The following NAALADL2 variants were observed in gnomAD, a reference collection of about 807,000 sequenced individuals.
The protein encoded by NAALADL2 is inactive N-acetylated-alpha-linked acidic dipeptidase-like protein 2.
Under a neutral mutation model 87.2 loss-of-function variants are expected in NAALADL2, and 76 were observed. That is an observed-to-expected ratio of 0.87 (90% CI 0.72 to 1.05). NAALADL2 has a LOEUF of 1.05. Ranked by LOEUF, NAALADL2 falls within the 50% of genes least tolerant of loss-of-function variation. NAALADL2 has a pLI of 0.00. For missense variants in NAALADL2, 1,089 were observed against 945.8 expected (o/e 1.15, Z -1.99); for synonymous variants, 354 against 331.0 (o/e 1.07, Z -0.75).
At chr3:174,531,288 G>A (rs200600616) in intron 1 of NAALADL2, among the ~76,000 whole-genome samples, 1 of 147,632 alleles carries the variant, frequency 6.8e-6, no homozygotes, top group Non-Finnish European at 1.5e-5. Context: ...TTATTCTTTT[G>A]GTTCTGTCTT....
chr3:175,392,272 AC>A (rs568082518), intron 5 of NAALADL2, among the ~76,000 whole-genome samples: 293 of 152,340 alleles, frequency 1.9e-3, no homozygotes, highest in African/African-American at 6.8e-3. Flanking sequence ...TGTAATGAAC[AC>A]TACTTAGAAA....
chr3:174,889,376 TAAAGAC>T (rs1252893425), intron 1 of NAALADL2, among the ~76,000 whole-genome samples: 5 of 152,154 alleles, frequency 3.3e-5, no homozygotes, highest in Admixed American at 2.0e-4. Context: ...GGGTTTTAAA[TAAAGAC>T]AAACAAAAGG....
chr3:175,778,542 G>A (rs77583592), intron 13 of NAALADL2, among the ~76,000 whole-genome samples: 2 of 152,174 alleles, frequency 1.3e-5, no homozygotes, highest in South Asian at 2.1e-4. Context: ...GAATTATGGG[G>A]CTGTGGGATT....
chr3:175,595,490 C>G (rs916604251), intron 10 of NAALADL2, among the ~76,000 whole-genome samples: 3 of 152,032 alleles, frequency 2.0e-5, no homozygotes, highest in Non-Finnish European at 4.4e-5. Context: ...ACCCTAAATA[C>G]TCCACCGAAA....
chr3:174,595,765 C>T (rs1229985029), intron 2 of NAALADL2, among the ~76,000 whole-genome samples: 13 of 152,042 alleles, frequency 8.6e-5, no homozygotes, highest in Admixed American at 8.5e-4. Context: ...AATCCCAGCA[C>T]TTTGGGAGGC....
rs1453616050 is a variant in NAALADL2 at position 175,805,083 on chromosome 3, A to T, written c.*1880A>T. The T allele has an allele frequency of 1.3e-5, 2 of 151,856 alleles. No individual in the cohort carries two copies. Among genetic ancestry groups the T allele is most frequent in the Non-Finnish European group, 2.9e-5 (2 of 67,902 alleles). The allele number at this position is 151,856 out of a possible 1,614,324, so 9.4% of individuals were successfully genotyped here. A position where few individuals can be genotyped will look rare whatever the true frequency, so the allele number is the denominator to read the frequency against. On this transcript the variant is annotated 3_prime_UTR_variant, in exon 14 of 14. Coordinates refer to ENST00000454872, the MANE Select transcript of NAALADL2 (RefSeq NM_207015.3). ...ATCAGAAAAGAGGTGGGAATACACA[A>T]GCAGGTGCATGTAAGCCCAAAAGCT...
chr3:175,053,900 A>G (rs192724305), intron 1 of NAALADL2, among the ~76,000 whole-genome samples: 39 of 152,372 alleles, frequency 2.6e-4, no homozygotes, highest in Non-Finnish European at 7.3e-5. Context: ...TGCATTAGCA[A>G]CTAGGCAATC....
At chr3:174,612,953 A>C (rs114791047) in intron 2 of NAALADL2, among the ~76,000 whole-genome samples, 1 of 152,172 alleles carries the variant, frequency 6.6e-6, no homozygotes, top group African/African-American at 2.4e-5. Flanking sequence ...CTTTCCATAC[A>C]GTTGAAAGGA....
At chr3:175,729,480 A>G (rs139898886) in intron 11 of NAALADL2, among the ~76,000 whole-genome samples, 42 of 152,288 alleles carry the variant, frequency 2.8e-4, no homozygotes, top group African/African-American at 8.7e-4. Flanking sequence ...TGTGCCTGTA[A>G]CAATAGCTGA....
intron 2 of NAALADL2, 60 bp downstream of exon 2, chr3:175,097,351 G>T (rs899392451): frequency 1.0e-5 from 15 of 1,483,314 alleles, no homozygotes; most frequent in South Asian, 6.4e-5. Flanking sequence ...TGTCTCACAG[G>T]GGGTATTGAA....
chr3:174,964,870 T>G (rs996269102), intron 1 of NAALADL2, among the ~76,000 whole-genome samples: 1 of 150,754 alleles, frequency 6.6e-6, no homozygotes, highest in Non-Finnish European at 1.5e-5. Context: ...TATATGTATA[T>G]ATGTAATTTA....
chr3:175,120,334 A>G (rs1393059842), intron 2 of NAALADL2, among the ~76,000 whole-genome samples: 2 of 151,786 alleles, frequency 1.3e-5, no homozygotes, highest in African/African-American at 4.8e-5. Context: ...AAAACATAGA[A>G]ATCTATTAAA....
intron 1 of NAALADL2, among the ~76,000 whole-genome samples, chr3:174,453,023 A>G (rs1358933698): frequency 6.6e-6 from 1 of 152,172 alleles, no homozygotes; most frequent in African/African-American, 2.4e-5. Context: ...TAATCCAAGA[A>G]AGCTAAGAAT....
At chr3:175,274,630 C>T (rs957920498) in intron 4 of NAALADL2, among the ~76,000 whole-genome samples, 10 of 152,138 alleles carry the variant, frequency 6.6e-5, no homozygotes, top group African/African-American at 2.4e-4. Flanking sequence ...TGGAGTCAGT[C>T]ATTTTGGGTC....
intron 13 of NAALADL2, among the ~76,000 whole-genome samples, chr3:175,786,405 T>A (rs1327488756): frequency 2.0e-5 from 3 of 152,228 alleles, no homozygotes; most frequent in Admixed American, 6.5e-5. Context: ...CATTGCTTTT[T>A]ACTCTTTTTT....
intron 5 of NAALADL2, among the ~76,000 whole-genome samples, chr3:175,334,142 C>T (rs905246905): frequency 1.3e-5 from 2 of 152,008 alleles, no homozygotes; most frequent in Non-Finnish European, 2.9e-5. Context: ...AGATCCTTTT[C>T]GTAGAAAAAG....
intron 9 of NAALADL2, among the ~76,000 whole-genome samples, chr3:175,563,545 T>C (rs1166625568): frequency 6.6e-6 from 1 of 151,988 alleles, no homozygotes; most frequent in Non-Finnish European, 1.5e-5. Flanking sequence ...CTAATCTTCT[T>C]TACCATTCTG....
chr3:175,713,930 T>G (rs767296853), intron 11 of NAALADL2, among the ~76,000 whole-genome samples: 2 of 152,170 alleles, frequency 1.3e-5, no homozygotes, highest in Non-Finnish European at 2.9e-5. Context: ...CCATCCTATG[T>G]TCATGTGTTC....
At chr3:174,833,819 C>T (rs2109384835) in intron 3 of NAALADL2, among the ~76,000 whole-genome samples, 1 of 150,142 alleles carries the variant, frequency 6.7e-6, no homozygotes, top group South Asian at 2.1e-4. Flanking sequence ...ATTATCTAAA[C>T]AGAAGAGCAA....
Sources: allele counts gnomAD v4.1 joint callset (sites outside exome capture counted in the v4.1 genomes callset), GRCh38; gene constraint gnomAD v4.1.1; transcripts MANE v1.5; gene names NCBI Gene and HGNC (gene_info 2026-07-23, HGNC 2026-07-21).